MGST1: variants seen among roughly 807,000 people sequenced by gnomAD.
The protein encoded by MGST1 is microsomal glutathione S-transferase 1, also known as glutathione S-transferase 12.
A neutral mutation model predicts 8.9 loss-of-function variants in MGST1; 5 were observed. The ratio of observed to expected loss-of-function variants is 0.56; its 90% CI spans 0.29 to 1.19. The LOEUF is 1.19. MGST1 is among the 50% of genes most tolerant of loss of function. The probability of loss-of-function intolerance (pLI) is 0.08; values close to 1 mark genes in which losing one functional copy is unlikely to be tolerated. For synonymous variants in MGST1, 54 were observed against 67.8 expected, an observed-to-expected ratio of 0.80 and a Z score of 1.00; for missense variants, 182 against 187.4, an observed-to-expected ratio of 0.97 and a Z score of 0.17.
At chr12:16,424,035 C>G (rs1483711056) in intron 1 of MGST1, among the ~76,000 whole-genome samples, 2 of 152,178 alleles carry the variant, frequency 1.3e-5, no homozygotes, top group African/African-American at 4.8e-5. Context: ...GCCTATCTAG[C>G]TTTGTTTTAT....
intron 4 of MGST1, among the ~76,000 whole-genome samples, chr12:16,543,504 A>G (rs1018516861): frequency 3.3e-5 from 5 of 152,092 alleles, no homozygotes; most frequent in South Asian, 2.1e-4. Flanking sequence ...TGCTCATCCA[A>G]TGCAGATTAG....
intron 1 of MGST1, among the ~76,000 whole-genome samples, chr12:16,411,399 C>G (rs1343951928): frequency 6.6e-6 from 1 of 152,156 alleles, no homozygotes; most frequent in Admixed American, 6.5e-5. Context: ...ATATGATACA[C>G]TTGTGAGATA....
intron 4 of MGST1, chr12:16,550,223 A>T (rs1941938175): frequency 2.0e-5 from 3 of 152,354 alleles, no homozygotes; most frequent in Admixed American, 1.3e-4. Context: ...TCATACATTT[A>T]TTAAGCCATA....
At chr12:16,583,160 T>C (rs1943219002) in intron 4 of MGST1, among the ~76,000 whole-genome samples, 1 of 152,070 alleles carries the variant, frequency 6.6e-6, no homozygotes, top group Non-Finnish European at 1.5e-5. Flanking sequence ...GACTGTAAGA[T>C]GATCCCGGAT....
In MGST1 at chr12:16,517,643, C is replaced by T. The variant is rs1941623607; in HGVS notation, n.483-71885C>T. Among the ~76,000 whole-genome samples, 2 of 152,178 alleles carry T rather than the reference C, an allele frequency of 1.3e-5. No individual in the cohort carries two copies. The highest frequency in any genetic ancestry group is 4.8e-5 in the African/African-American group (2 of 41,452). On this transcript the variant is annotated intron_variant and non_coding_transcript_variant, in intron 4 of 4. Coordinates refer to the MGST1 transcript ENST00000538857. This position sits in a 1 kb window ranked among gnomAD's most constrained non-coding sequence, Gnocchi z 4.2. Reference sequence around the variant, plus strand: ...GAACCAAGACAGCAGGTAAGCAAATCATGGAACAATGGCCATGACAGAGTG... The same window carrying T: ...GAACCAAGACAGCAGGTAAGCAAATTATGGAACAATGGCCATGACAGAGTG...
intron 4 of MGST1, among the ~76,000 whole-genome samples, chr12:16,446,180 T>C (rs1347437174): frequency 6.6e-6 from 1 of 151,966 alleles, no homozygotes; most frequent in African/African-American, 2.4e-5. Flanking sequence ...ATCGAATTAG[T>C]GCCCATGTCC....
chr12:16,411,877 A>G (rs1940745459), intron 1 of MGST1, among the ~76,000 whole-genome samples: 2 of 152,148 alleles, frequency 1.3e-5, no homozygotes, highest in African/African-American at 4.8e-5. Flanking sequence ...TATCAGTTCT[A>G]TGGTCATTAC....
intron 4 of MGST1, among the ~76,000 whole-genome samples, chr12:16,469,048 C>T (rs182572190): frequency 6.6e-6 from 1 of 152,306 alleles, no homozygotes; most frequent in Admixed American, 6.5e-5. Flanking sequence ...AACCTCCCAC[C>T]TATTCCTGCA....
rs780222622 is a variant in MGST1 at position 16,551,164 on chromosome 12, A to T, written n.483-38364A>T. ...TGTGTCAATTCTTATGTACATGTGG[A>T]GCAAAAAAGATAAAAGAATGTAGTG... On this transcript the variant is annotated intron_variant and non_coding_transcript_variant, in intron 4 of 4. Coordinates refer to the MGST1 transcript ENST00000538857. The T allele has an allele frequency of 5.0e-4, 552 of 1,093,454 alleles. 1 individual carries two copies. The highest frequency in any genetic ancestry group is 5.7e-4 in the Non-Finnish European group (405 of 706,764). The allele number at this position is 1,093,454 out of a possible 1,614,324, so 67.7% of individuals were successfully genotyped here.
At chr12:16,487,111 A>G (rs558700517) in intron 4 of MGST1, among the ~76,000 whole-genome samples, 7 of 152,270 alleles carry the variant, frequency 4.6e-5, no homozygotes, top group African/African-American at 1.2e-4. Context: ...CCATTAGGCA[A>G]TGGTGGAACT....
chr12:16,483,557 C>G (rs1398773927), intron 4 of MGST1, among the ~76,000 whole-genome samples: 1 of 151,954 alleles, frequency 6.6e-6, no homozygotes, highest in Non-Finnish European at 1.5e-5. Context: ...ATATTAATAT[C>G]AGACAAAATA....
chr12:16,533,681 A>G (rs553215346), intron 4 of MGST1, among the ~76,000 whole-genome samples: 3 of 151,692 alleles, frequency 2.0e-5, no homozygotes, highest in African/African-American at 7.3e-5. Flanking sequence ...ATTGTTATAG[A>G]TCCTAGAGGA....
intron 4 of MGST1, among the ~76,000 whole-genome samples, chr12:16,504,908 A>C (rs1941527593): frequency 6.6e-6 from 1 of 152,168 alleles, no homozygotes; most frequent in Non-Finnish European, 1.5e-5. Flanking sequence ...TTTTAAAAAC[A>C]AACAAATCCC....
intron 1 of MGST1, among the ~76,000 whole-genome samples, chr12:16,427,069 A>G (rs1940897544): frequency 6.6e-6 from 1 of 152,202 alleles, no homozygotes; most frequent in Non-Finnish European, 1.5e-5. Flanking sequence ...CATTGTGCCA[A>G]TTACAAGGAA....
chr12:16,387,055 T>C (rs1444519278), intron 1 of MGST1, among the ~76,000 whole-genome samples: 1 of 152,222 alleles, frequency 6.6e-6, no homozygotes, highest in East Asian at 1.9e-4. Context: ...TCTATTTTAT[T>C]ATTAGTTACT....
intron 4 of MGST1, among the ~76,000 whole-genome samples, chr12:16,569,888 T>C (rs1052150606): frequency 1.6e-4 from 25 of 152,136 alleles, no homozygotes; most frequent in African/African-American, 6.0e-4. Flanking sequence ...ATCTTTAAAG[T>C]AATAGAAACA....
intron 1 of MGST1, among the ~76,000 whole-genome samples, chr12:16,409,251 G>T (rs1410593832): frequency 6.6e-6 from 1 of 152,038 alleles, no homozygotes; most frequent in African/African-American, 2.4e-5. Context: ...CTAGAGTTAA[G>T]GTGATGTGTA....
chr12:16,489,545 C>G (rs943603505), intron 4 of MGST1, among the ~76,000 whole-genome samples: 3 of 152,166 alleles, frequency 2.0e-5, no homozygotes, highest in Non-Finnish European at 4.4e-5. Flanking sequence ...GCAAGTTCTT[C>G]AGGGGCAGAA....
chr12:16,387,684 G>A (rs1474672816), intron 1 of MGST1, among the ~76,000 whole-genome samples: 2 of 151,848 alleles, frequency 1.3e-5, no homozygotes, highest in African/African-American at 2.4e-5. Flanking sequence ...CCACCACCAC[G>A]CCTGGCTAAT....
Sources: gnomAD v4.1 joint callset for allele counts (sites outside exome capture counted in the v4.1 genomes callset) on GRCh38, gnomAD v4.1.1 for gene constraint, Gnocchi (gnomAD v3.1) non-coding constraint, MANE v1.5 for transcripts, NCBI Gene and HGNC (gene_info 2026-07-23, HGNC 2026-07-21) for gene names.